MPHOSPH8: variants seen among roughly 807,000 people sequenced by gnomAD.
The protein encoded by MPHOSPH8 is M-phase phosphoprotein, mpp.
In MPHOSPH8, 45 loss-of-function variants were observed where a neutral mutation model predicts 87.3. The observed-to-expected ratio is 0.52, with a 90% CI of 0.41 to 0.66. The LOEUF is 0.66. MPHOSPH8 is among the 30% of genes least tolerant of loss of function. MPHOSPH8 has a pLI of 0.00. For missense variants in MPHOSPH8, 883 were observed against 1,020.2 expected (o/e 0.87, Z 1.83); for synonymous variants, 366 against 376.9 (o/e 0.97, Z 0.33).
chr13:19,667,890 C>T (rs765030891), intron 10 of MPHOSPH8, among the ~76,000 whole-genome samples: 2 of 152,048 alleles, frequency 1.3e-5, no homozygotes, highest in African/African-American at 2.4e-5. Flanking sequence ...GAACTCAAGG[C>T]GGTGTTTATG....
chr13:19,646,266 T>C (rs1307127843), intron 2 of MPHOSPH8, among the ~76,000 whole-genome samples, 177 bp from the exon 3 acceptor site: 2 of 152,186 alleles, frequency 1.3e-5, no homozygotes, highest in African/African-American at 4.8e-5. Flanking sequence ...CGCCAAGACC[T>C]GTTTGCTGAG....
chr13:19,657,723 C>G (rs1284500090), intron 5 of MPHOSPH8, among the ~76,000 whole-genome samples: 1 of 152,210 alleles, frequency 6.6e-6, no homozygotes, highest in African/African-American at 2.4e-5. Context: ...GGCATGCTCT[C>G]TGTTCTTACA....
intron 8 of MPHOSPH8, 104 bp downstream of exon 8, chr13:19,661,942 T>C (rs1363602104): frequency 2.4e-6 from 3 of 1,271,088 alleles, no homozygotes; most frequent in Admixed American, 3.2e-5. Flanking sequence ...CATGGTCACA[T>C]CGCTTTTTTT....
At position 19,646,644 on chromosome 13, in the gene MPHOSPH8, G is replaced by C; in HGVS notation, c.571G>C (p.Glu191Gln). 1 of 1,589,736 alleles carries C rather than the reference G, an allele frequency of 6.3e-7. No homozygotes were observed. Among genetic ancestry groups the C allele is most frequent in the Middle Eastern group, 1.7e-4 (1 of 5,906 alleles). The change falls in exon 3 of 14, where the codon GAA (glutamate) becomes CAA (glutamine). Residue 191 changes from glutamate (E) to glutamine (Q), a missense_variant. Coordinates refer to ENST00000361479, the MANE Select transcript of MPHOSPH8 (RefSeq NM_017520.4). ...CAAACCAGACCTGGAGAGCTCCTTG[G>C]AAAGTTTAGTTTTTGATTTAAGGAC... is the stretch of plus-strand genomic sequence containing the variant. ...KSKPDLESSL[E>Q]SLVFDLRTKK...
chr13:19,654,202 T>C (rs1875025970), intron 5 of MPHOSPH8, among the ~76,000 whole-genome samples: 1 of 152,172 alleles, frequency 6.6e-6, no homozygotes, highest in South Asian at 2.1e-4. Context: ...ACTAACATCA[T>C]TCTCAGCAAA....
chr13:19,667,092 G>A (rs1875860468), intron 10 of MPHOSPH8, among the ~76,000 whole-genome samples: 1 of 152,098 alleles, frequency 6.6e-6, no homozygotes, highest in Non-Finnish European at 1.5e-5. Flanking sequence ...AACCCGGGAG[G>A]CGGAGGTTGC....
chr13:19,662,470 C>G (rs966494004), intron 8 of MPHOSPH8, among the ~76,000 whole-genome samples: 1 of 152,018 alleles, frequency 6.6e-6, no homozygotes, highest in South Asian at 2.1e-4. Flanking sequence ...GTTGCCCAGC[C>G]TGGGCTCAAG....
Position 19,673,260 on chromosome 13 carries a change from G to A in MPHOSPH8, c.*1385G>A, listed in dbSNP as rs1440117929. ...GTATGGCAAGCATAAATCAAGCTCA[G>A]TCTGGGTTATGGAGAAGTTGAAAAT... On this transcript the variant is annotated 3_prime_UTR_variant, in exon 14 of 14. Transcript: ENST00000361479. 2.5e-6 allele frequency: 1 copy of A among 400,898 alleles called. No individual in the cohort carries two copies. Among genetic ancestry groups the A allele is most frequent in the Non-Finnish European group, 4.9e-6 (1 of 205,812 alleles). The allele number at this position is 400,898 out of a possible 1,614,324, so 24.8% of individuals were successfully genotyped here. A position where few individuals can be genotyped will look rare whatever the true frequency, so the allele number is the denominator to read the frequency against.
intron 3 of MPHOSPH8, 100 bp downstream of exon 3, chr13:19,647,391 AC>A: frequency 9.9e-7 from 1 of 1,007,604 alleles, no homozygotes; most frequent in Non-Finnish European, 1.4e-6. Flanking sequence ...AGTGTTTATG[AC>A]CATGGGCGGT....
Position 19,646,873 on chromosome 13 carries a change from G to A in MPHOSPH8, c.800G>A (p.Ser267Asn), listed in dbSNP as rs768873811. Residue 267 changes from serine to asparagine, a missense_variant, in exon 3 of 14, where the codon AGT becomes AAT. Around this residue, in one of 3 missense-constraint regions of MPHOSPH8, gnomAD observed 741 missense variants for 841.5 expected, o/e 0.88. Coordinates refer to ENST00000361479, the MANE Select transcript of MPHOSPH8 (RefSeq NM_017520.4). ...FVESQVESES[S>N]VLNDSPFPED... Reference sequence around the variant, plus strand: ...GAATCCCAGGTGGAATCTGAATCAAGTGTACTTAATGATTCTCCCTTTCCA... The same window carrying A: ...GAATCCCAGGTGGAATCTGAATCAAATGTACTTAATGATTCTCCCTTTCCA... 5 of 1,605,848 alleles carry A rather than the reference G, an allele frequency of 3.1e-6. No homozygotes were observed. The highest frequency in any genetic ancestry group is 2.7e-5 in the African/African-American group (2 of 74,220).
chr13:19,636,466 T>C (rs1874013759), intron 1 of MPHOSPH8, among the ~76,000 whole-genome samples: 1 of 152,086 alleles, frequency 6.6e-6, no homozygotes, highest in Admixed American at 6.5e-5. Context: ...AGAATTAAAT[T>C]CTAATAGTGT....
At position 19,672,802 on chromosome 13, in the gene MPHOSPH8, T is replaced by A. The variant is rs188060613; in HGVS notation, c.*927T>A. ...ACACTATGAGACCTAAAAGAGAGTA[T>A]TAAATGTGAACTTTTAGCAGAGCGT... On this transcript the variant is annotated 3_prime_UTR_variant, in exon 14 of 14. Transcript: ENST00000361479. 3.3e-5 allele frequency: 9 copies of A among 273,098 alleles called. No individual in the cohort carries two copies. The Admixed American group carries it at 3.9e-4, about 12-fold the overall frequency. 16.9% of individuals were successfully genotyped at this position (273,098 alleles called of 1,614,324 possible). A position where few individuals can be genotyped will look rare whatever the true frequency, so the allele number is the denominator to read the frequency against.
In MPHOSPH8 at chr13:19,647,140, A is replaced by AG. The variant is rs1338597311; in HGVS notation, c.1068dup (p.Lys357GlufsTer5). ...GAGAACAAGAACGCTTTCTTAGAGA[A>AG]GAAAACTGTGCCTAAAAAGCAGAGG... On this transcript the variant is annotated frameshift_variant, in exon 3 of 14. Transcript: ENST00000361479. LOFTEE classifies it high-confidence loss of function. 1 of 1,614,036 alleles carries AG rather than the reference A, an allele frequency of 6.2e-7. No individual in the cohort carries two copies. Among genetic ancestry groups the AG allele is most frequent in the Non-Finnish European group, 8.5e-7 (1 of 1,180,038 alleles).
At chr13:19,653,399 AC>A (rs1435359420) in intron 5 of MPHOSPH8, among the ~76,000 whole-genome samples, 1 of 152,226 alleles carries the variant, frequency 6.6e-6, no homozygotes, top group Non-Finnish European at 1.5e-5. Context: ...GTCCACTCAC[AC>A]CCCATCTGAA....
rs968534136 is a variant in MPHOSPH8 at position 19,672,026 on chromosome 13, C to T, written c.*151C>T. Reference sequence around the variant, plus strand: ...GTTGTCTGTTGTAGTCTGTAAGATGCGACATAGCTGTGTCTGTGCCAGTAT... The same window carrying T: ...GTTGTCTGTTGTAGTCTGTAAGATGTGACATAGCTGTGTCTGTGCCAGTAT... On this transcript the variant is annotated 3_prime_UTR_variant, in exon 14 of 14. Coordinates refer to ENST00000361479, the MANE Select transcript of MPHOSPH8 (RefSeq NM_017520.4). 58 of 727,720 alleles carry T rather than the reference C, an allele frequency of 8.0e-5. No individual in the cohort carries two copies. Among genetic ancestry groups the T allele is most frequent in the South Asian group, 1.5e-4 (9 of 58,272 alleles). The allele number at this position is 727,720 out of a possible 1,614,324, so 45.1% of individuals were successfully genotyped here.
At position 19,633,914 on chromosome 13, in the gene MPHOSPH8, G is replaced by A; in HGVS notation, c.166G>A (p.Glu56Lys). ...CTTTGGCGACAGTGAGGAGGACGGA[G>A]AGGATGTGTTCGAGGTGGAGAAGAT... Reference protein sequence around the residue: ...EAFGDSEEDGEDVFEVEKILD... With the variant: ...EAFGDSEEDGKDVFEVEKILD... Residue 56 changes from glutamate to lysine, a missense_variant, in exon 1 of 14, where the codon GAG becomes AAG. By Grantham distance (56) the Glu-to-Lys change is moderately conservative. Around this residue, in one of 3 missense-constraint regions of MPHOSPH8, gnomAD observed 103 missense variants for 96.3 expected, o/e 1.07. Transcript: ENST00000361479. The A allele has an allele frequency of 1.2e-6, 2 of 1,611,722 alleles. No homozygotes were observed. The highest frequency in any genetic ancestry group is 1.7e-6 in the Non-Finnish European group (2 of 1,179,306).
chr13:19,670,206 A>G, intron 11 of MPHOSPH8, 30 bp from the exon 12 acceptor site: 2 of 1,613,536 alleles, frequency 1.2e-6, no homozygotes, highest in African/African-American at 1.3e-5. Context: ...GTTGCCTTTG[A>G]AGTAATTCAC....
intron 10 of MPHOSPH8, 80 bp downstream of exon 10, chr13:19,666,659 CTGTG>C (rs1443524120): frequency 1.6e-6 from 2 of 1,270,370 alleles, no homozygotes; most frequent in Non-Finnish European, 2.1e-6. Flanking sequence ...TTGGAGTGGC[CTGTG>C]TGTAACTGCT....
Position 19,659,016 on chromosome 13 carries a change from G to C in MPHOSPH8, c.1598G>C (p.Ser533Thr). 1.2e-6 allele frequency: 2 copies of C among 1,613,804 alleles called. No individual in the cohort carries two copies. The highest frequency in any genetic ancestry group is 1.7e-6 in the Non-Finnish European group (2 of 1,179,968). Residue 533 changes from serine (S) to threonine (T), a missense_variant, in exon 6 of 14, where the codon AGT becomes ACT. By Grantham distance (58) the Ser-to-Thr change is moderately conservative. Coordinates refer to ENST00000361479, the MANE Select transcript of MPHOSPH8 (RefSeq NM_017520.4). ...CCAGATGGCAGGCAGCAGATTCTGA[G>C]TTTGGGCATGGACCTGCAGTTGGAA... ...ENSDGRQQIL[S>T]LGMDLQLEWM... is the part of the protein sequence containing the mutation.
Sources: allele counts gnomAD v4.1 joint callset (sites outside exome capture counted in the v4.1 genomes callset), GRCh38; gene constraint gnomAD v4.1.1; regional missense constraint gnomAD v4.1.1; transcripts MANE v1.5; gene names NCBI Gene and HGNC (gene_info 2026-07-23, HGNC 2026-07-21).